The following HAPLN4 variants were observed in gnomAD, a reference collection of about 807,000 sequenced individuals.
The protein encoded by HAPLN4 is brain link protein 2.
A neutral mutation model predicts 28.0 loss-of-function variants in HAPLN4; 19 were observed. The observed-to-expected ratio is 0.68, with a 90% CI of 0.47 to 1.00. The LOEUF (loss-of-function observed/expected upper bound fraction) is 1.00, where lower values mean the gene tolerates loss of function less well. HAPLN4 is among the 50% of genes least tolerant of loss of function. The probability of loss-of-function intolerance (pLI) is 0.00; values close to 1 mark genes in which losing one functional copy is unlikely to be tolerated. For synonymous variants in HAPLN4, 274 were observed against 273.0 expected, an observed-to-expected ratio of 1.00 and a Z score of -0.03; for missense variants, 587 against 602.6, an observed-to-expected ratio of 0.97 and a Z score of 0.27.
Position 19,258,206 on chromosome 19 carries a change from G to A in HAPLN4, c.820C>T (p.Arg274Cys). The A allele has an allele frequency of 6.7e-7, 1 of 1,491,978 alleles. No individual in the cohort carries two copies. Among genetic ancestry groups the A allele is most frequent in the Non-Finnish European group, 8.9e-7 (1 of 1,122,416 alleles). 92.4% of individuals were successfully genotyped at this position (1,491,978 alleles called of 1,614,324 possible). A position where few individuals can be genotyped will look rare whatever the true frequency, so the allele number is the denominator to read the frequency against. ...CGCAGCGGCTTCAGGAAGAACACGC[G>A]CCCTGCGGGGGTGAGGTGGGGGGTG... is the stretch of plus-strand genomic sequence containing the variant. Reference protein sequence around the residue: ...AFCFTSNLPGRVFFLKPLRPV... With the variant: ...AFCFTSNLPGCVFFLKPLRPV... The change falls in exon 5 of 5, where the codon CGC becomes TGC. Residue 274 changes from arginine to cysteine, a missense_variant and splice_region_variant. Arg to Cys is a radical substitution (Grantham distance 180). Transcript: ENST00000291481. This position sits in a 1 kb window ranked among gnomAD's most constrained non-coding sequence, Gnocchi z 6.2.
At chr19:19,261,657 G>A in intron 1 of HAPLN4, 94 bp from the exon 2 acceptor site, 1 of 802,394 alleles carries the variant, frequency 1.2e-6, no homozygotes, top group Non-Finnish European at 1.9e-6. Context: ...CCACAGCGAG[G>A]ACCTCTCTCA....
At chr19:19,262,627 G>A in intron 1 of HAPLN4, 103 bp downstream of exon 1, 1 of 1,336,912 alleles carries the variant, frequency 7.5e-7, no homozygotes, top group South Asian at 1.2e-5. Flanking sequence ...AAAAGGAAGA[G>A]ACAGAAGAAA....
In HAPLN4 at chr19:19,261,573, G is replaced by A. The variant is rs1232019038; in HGVS notation, c.4-10C>T. 4 of 1,460,090 alleles carry A rather than the reference G, an allele frequency of 2.7e-6. No individual in the cohort carries two copies. The highest frequency in any genetic ancestry group is 3.6e-6 in the Non-Finnish European group (4 of 1,111,336). 90.4% of individuals were successfully genotyped at this position (1,460,090 alleles called of 1,614,324 possible). ...CCGCCCGAGCGCACACCTGGGGGGCGGGCACGGGGCGCTCAGTCCAGCCTC... is the reference window on the plus strand; with the variant it reads ...CCGCCCGAGCGCACACCTGGGGGGCAGGCACGGGGCGCTCAGTCCAGCCTC... On this transcript the variant is annotated splice_polypyrimidine_tract_variant and intron_variant, in intron 1 of 4. Transcript: ENST00000291481.
Position 19,257,498 on chromosome 19 carries a change from C to A in HAPLN4, c.*319G>T, listed in dbSNP as rs962745860. Reference sequence around the variant, plus strand: ...TCTGTTTCCAAGTGGTCTCAGGAGGCGTGGCCAGTCTTCAGGAGCCTGCGG... The same window carrying A: ...TCTGTTTCCAAGTGGTCTCAGGAGGAGTGGCCAGTCTTCAGGAGCCTGCGG... On this transcript the variant is annotated 3_prime_UTR_variant, in exon 5 of 5. Coordinates refer to ENST00000291481, the MANE Select transcript of HAPLN4 (RefSeq NM_023002.3). 1 of 291,556 alleles carries A rather than the reference C, an allele frequency of 3.4e-6. No individual in the cohort carries two copies. Among genetic ancestry groups the A allele is most frequent in the Admixed American group, 5.2e-5 (1 of 19,360 alleles). 18.1% of individuals were successfully genotyped at this position (291,556 alleles called of 1,614,324 possible).
chr19:19,258,744 T>G lies in HAPLN4; in HGVS notation c.596A>C (p.His199Pro). 1 of 1,603,826 alleles carries G rather than the reference T, an allele frequency of 6.2e-7. No homozygotes were observed. The highest frequency in any genetic ancestry group is 8.5e-7 in the Non-Finnish European group (1 of 1,176,736). The change falls in exon 4 of 5, where the codon CAC becomes CCC. Residue 199 changes from histidine to proline, a missense_variant. Physicochemically the swap from His to Pro is moderately conservative, Grantham distance 77. Transcript: ENST00000291481. The surrounding 1 kb of genome is among the most constrained non-coding windows in gnomAD (Gnocchi z 6.2). ...DGILASAEQL[H>P]AAWRDGLDWC... ...GTCCAGGCCGTCGCGCCAGGCCGCGTGCAGCTGTTCTGCAGATGCCAGGAT... is the reference window on the plus strand; with the variant it reads ...GTCCAGGCCGTCGCGCCAGGCCGCGGGCAGCTGTTCTGCAGATGCCAGGAT...
At chr19:19,262,314 A>G (rs1428269267) in intron 1 of HAPLN4, among the ~76,000 whole-genome samples, 2 of 150,456 alleles carry the variant, frequency 1.3e-5, no homozygotes, top group African/African-American at 4.9e-5. Context: ...AGGGAGAGAC[A>G]CAGATGGAGA....
intron 1 of HAPLN4, among the ~76,000 whole-genome samples, chr19:19,262,237 G>T (rs2060986440): frequency 1.3e-5 from 2 of 151,240 alleles, no homozygotes; most frequent in Admixed American, 1.3e-4. Flanking sequence ...GAAAGGGAGA[G>T]ACAGAGAGGA....
rs1232512765 is a variant in HAPLN4 at position 19,255,252 on chromosome 19, AAATC to A, written c.*2561_*2564del. On this transcript the variant is annotated 3_prime_UTR_variant, in exon 5 of 5. Coordinates refer to ENST00000291481, the MANE Select transcript of HAPLN4 (RefSeq NM_023002.3). ...AGGACCCCACTTCCAAAGAGAATAA[AAATC>A]AAGCCCGGCCAGGCGCAGTGGCTCA... The A allele has an allele frequency of 6.6e-6, 1 of 152,144 alleles. No individual in the cohort carries two copies. Among genetic ancestry groups the A allele is most frequent in the Non-Finnish European group, 1.5e-5 (1 of 68,044 alleles). 9.4% of individuals were successfully genotyped at this position (152,144 alleles called of 1,614,324 possible).
At chr19:19,261,382 C>T (rs951048581) in intron 2 of HAPLN4, 64 bp downstream of exon 2, 35 of 1,445,228 alleles carry the variant, frequency 2.4e-5, no homozygotes, top group Non-Finnish European at 1.9e-6. Flanking sequence ...ACCCGCTACC[C>T]CTCTCCGCAC....
chr19:19,261,870 T>G, intron 1 of HAPLN4, among the ~76,000 whole-genome samples: 2 of 148,388 alleles, frequency 1.3e-5, no homozygotes, highest in African/African-American at 2.5e-5. Flanking sequence ...GGGCCGGGGA[T>G]AGGGGGGTGG....
In HAPLN4 at chr19:19,261,022, G is replaced by A; in HGVS notation, c.275C>T (p.Pro92Leu). Residue 92 changes from proline to leucine, a missense_variant, in exon 3 of 5, where the codon CCG (proline) becomes CTG (leucine). Coordinates refer to ENST00000291481, the MANE Select transcript of HAPLN4 (RefSeq NM_023002.3). ...CACGAAGACGTCGGTGAAGGCCAGC[G>A]GGTCCACCACCTTTGTCCACTTGAG... Reference protein sequence around the residue: ...VRLKWTKVVDPLAFTDVFVAL... With the variant: ...VRLKWTKVVDLLAFTDVFVAL... 1 of 1,613,578 alleles carries A rather than the reference G, an allele frequency of 6.2e-7. No homozygotes were observed. Among genetic ancestry groups the A allele is most frequent in the South Asian group, 1.1e-5 (1 of 91,082 alleles).
chr19:19,261,650 C>T, intron 1 of HAPLN4, 87 bp from the exon 2 acceptor site: 1 of 838,320 alleles, frequency 1.2e-6, no homozygotes, highest in East Asian at 3.0e-5. Context: ...GCCTTCCCCA[C>T]AGCGAGGACC....
chr19:19,258,069 G>C lies in HAPLN4; in HGVS notation c.957C>G (p.Thr319=), dbSNP rs758887999. 112 of 1,553,030 alleles carry C rather than the reference G, an allele frequency of 7.2e-5. No individual in the cohort carries two copies. The Admixed American group carries it at 2.0e-3, about 28-fold the overall frequency. Residue 319 remains threonine (T), a synonymous_variant, in exon 5 of 5, where the codon ACC becomes ACG. Transcript: ENST00000291481. The surrounding 1 kb of genome is among the most constrained non-coding windows in gnomAD (Gnocchi z 6.2). ...AWKLQLLDRC[T]AGWLADGSAR... ...CACTGCCATCGGCCAGCCAACCCGC[G>C]GTGCAGCGGTCTAGCAGCTGCAGCT...
rs1029853796 is a variant in HAPLN4 at position 19,257,415 on chromosome 19, G to C, written c.*402C>G. 33 of 178,442 alleles carry C rather than the reference G, an allele frequency of 1.8e-4. No individual in the cohort carries two copies. The highest frequency in any genetic ancestry group is 6.6e-4 in the African/African-American group (28 of 42,590). 11.1% of individuals were successfully genotyped at this position (178,442 alleles called of 1,614,324 possible). A position where few individuals can be genotyped will look rare whatever the true frequency, so the allele number is the denominator to read the frequency against. On this transcript the variant is annotated 3_prime_UTR_variant, in exon 5 of 5. Transcript: ENST00000291481. ...CTCCAGTGAGATGCAGAAGGTGTAC[G>C]GCCGGTCTCTAGTCAATCCCGGGGG... is the stretch of plus-strand genomic sequence containing the variant.
At position 19,258,127 on chromosome 19, in the gene HAPLN4, A is replaced by C. The variant is rs2060971802; in HGVS notation, c.899T>G (p.Val300Gly). The change falls in exon 5 of 5, where the codon GTG (valine) becomes GGG (glycine). Residue 300 changes from valine (V) to glycine (G), a missense_variant. Val to Gly is a moderately radical substitution (Grantham distance 109, BLOSUM62 -3). Coordinates refer to ENST00000291481, the MANE Select transcript of HAPLN4 (RefSeq NM_023002.3). This position sits in a 1 kb window ranked among gnomAD's most constrained non-coding sequence, Gnocchi z 6.2. Reference sequence around the variant, plus strand: ...GGCGAACAGCTGCCCCACCTTGGCCACGGCCGCGCCACGCGCAGCACACGC... The same window carrying C: ...GGCGAACAGCTGCCCCACCTTGGCCCCGGCCGCGCCACGCGCAGCACACGC... ...ARACAARGAA[V>G]AKVGQLFAAW... is the part of the protein sequence containing the mutation. 6.5e-7 allele frequency: 1 copy of C among 1,549,864 alleles called. No homozygotes were observed. Among genetic ancestry groups the C allele is most frequent in the Non-Finnish European group, 8.7e-7 (1 of 1,154,592 alleles).
intron 3 of HAPLN4, among the ~76,000 whole-genome samples, chr19:19,259,796 A>C (rs2106864): frequency 0.017 from 2,589 of 152,294 alleles, 93 homozygotes; most frequent in South Asian, 0.1. Context: ...TCTCACCTAG[A>C]ATCTTCTAAA....
At chr19:19,259,497 G>A (rs576686458) in intron 3 of HAPLN4, among the ~76,000 whole-genome samples, 5 of 152,266 alleles carry the variant, frequency 3.3e-5, no homozygotes, top group Non-Finnish European at 5.9e-5. Context: ...ACCCTGGAAA[G>A]AGGCAGACAG....
chr19:19,257,766 C>A lies in HAPLN4; in HGVS notation c.*51G>T. The A allele has an allele frequency of 7.3e-7, 1 of 1,376,174 alleles. No homozygotes were observed. Among genetic ancestry groups the A allele is most frequent in the Non-Finnish European group, 9.3e-7 (1 of 1,070,962 alleles). 85.2% of individuals were successfully genotyped at this position (1,376,174 alleles called of 1,614,324 possible). On this transcript the variant is annotated 3_prime_UTR_variant, in exon 5 of 5. Coordinates refer to ENST00000291481, the MANE Select transcript of HAPLN4 (RefSeq NM_023002.3). Reference sequence around the variant, plus strand: ...GGCGTGGCCAGGCTCCAGGGGACCACAGGGCTCTAGACCAGTGGTCAAGCG... The same window carrying A: ...GGCGTGGCCAGGCTCCAGGGGACCAAAGGGCTCTAGACCAGTGGTCAAGCG...
At position 19,257,561 on chromosome 19, in the gene HAPLN4, C is replaced by T. The variant is rs536545021; in HGVS notation, c.*256G>A. 4.3e-4 allele frequency: 166 copies of T among 383,874 alleles called. No individual in the cohort carries two copies. Among genetic ancestry groups the T allele is most frequent in the Non-Finnish European group, 7.0e-4 (154 of 220,834 alleles). 23.8% of individuals were successfully genotyped at this position (383,874 alleles called of 1,614,324 possible). ...TCCTGAGGTCCTCAGGGGGCGTGAC[C>T]CTCATGGAGAAAGTTGGGGAGTTGG... On this transcript the variant is annotated 3_prime_UTR_variant, in exon 5 of 5. Coordinates refer to ENST00000291481, the MANE Select transcript of HAPLN4 (RefSeq NM_023002.3).
Sources: allele counts gnomAD v4.1 joint callset (sites outside exome capture counted in the v4.1 genomes callset), GRCh38; gene constraint gnomAD v4.1.1; non-coding constraint Gnocchi (gnomAD v3.1); transcripts MANE v1.5; gene names NCBI Gene and HGNC (gene_info 2026-07-23, HGNC 2026-07-21).